The following BMPR1A variants were observed in gnomAD, a reference collection of about 807,000 sequenced individuals.
The protein encoded by BMPR1A is bone morphogenetic protein receptor type-1A.
Under a neutral mutation model 66.0 loss-of-function variants are expected in BMPR1A, and 7 were observed. That is an observed-to-expected ratio of 0.11 (90% confidence interval 0.06 to 0.20). BMPR1A has a LOEUF of 0.20. Ranked by LOEUF, BMPR1A falls within the 10% of genes least tolerant of loss-of-function variation. The pLI, the probability that BMPR1A is intolerant of heterozygous loss-of-function variation, is 1.00. For synonymous variants in BMPR1A, 200 were observed against 229.7 expected (o/e 0.87, Z 1.17); for missense variants, 408 against 669.1 (o/e 0.61, Z 4.31).
intron 1 of BMPR1A, among the ~76,000 whole-genome samples, chr10:86,763,913 C>T (rs1241141256): frequency 1.3e-5 from 2 of 151,650 alleles, no homozygotes; most frequent in Non-Finnish European, 2.9e-5. Flanking sequence ...GCCTCAGCCT[C>T]CTGAGTAGCT....
intron 2 of BMPR1A, among the ~76,000 whole-genome samples, chr10:86,865,405 C>T (rs185634336): frequency 1.1e-3 from 175 of 152,332 alleles, no homozygotes; most frequent in Non-Finnish European, 2.1e-3. Flanking sequence ...TTGCGACCCC[C>T]ACTCTGCCCG....
At chr10:86,830,713 C>T (rs191262398) in intron 1 of BMPR1A, among the ~76,000 whole-genome samples, 122 of 152,090 alleles carry the variant, frequency 8.0e-4, no homozygotes, top group Middle Eastern at 3.4e-3. Context: ...CTTTATATAT[C>T]CTAGATGAGG....
At chr10:86,767,739 A>C (rs1841190901) in intron 1 of BMPR1A, among the ~76,000 whole-genome samples, 1 of 148,264 alleles carries the variant, frequency 6.7e-6, no homozygotes, top group African/African-American at 2.6e-5. Context: ...TTCCTCCTGA[A>C]CTCCCTTGTC....
chr10:86,855,646 T>C, intron 2 of BMPR1A: 1 of 682,236 alleles, frequency 1.5e-6, no homozygotes, highest in Non-Finnish European at 2.7e-6. Flanking sequence ...ATGTGGCAGC[T>C]TTCTCCTGAG....
chr10:86,916,708 G>A lies in BMPR1A; in HGVS notation c.676-426G>A, dbSNP rs1309054150. Among the ~76,000 whole-genome samples, 5 of 152,142 alleles carry A rather than the reference G, an allele frequency of 3.3e-5. No homozygotes were observed. In the South Asian group the frequency reaches 1.0e-3, roughly 32 times the overall value. ...GTTTCATACTTTAAAGTACATTATG[G>A]CCGGGCATGGTGGCTCACGCCTGTA... On this transcript the variant is annotated intron_variant, in intron 8 of 12. Coordinates refer to ENST00000372037, the MANE Select transcript of BMPR1A (RefSeq NM_004329.3).
intron 1 of BMPR1A, among the ~76,000 whole-genome samples, chr10:86,792,297 C>T (rs1841639071): frequency 6.6e-6 from 1 of 151,940 alleles, no homozygotes; most frequent in Non-Finnish European, 1.5e-5. Context: ...GATCTCCTGA[C>T]ATTGTGGTCC....
At chr10:86,850,867 T>C (rs1310272089) in intron 2 of BMPR1A, among the ~76,000 whole-genome samples, 2 of 152,224 alleles carry the variant, frequency 1.3e-5, no homozygotes, top group Non-Finnish European at 2.9e-5. Context: ...AATATAAGCC[T>C]GTTTTTACAT....
chr10:86,813,680 A>G (rs1564692838), intron 1 of BMPR1A, among the ~76,000 whole-genome samples: 2 of 152,172 alleles, frequency 1.3e-5, no homozygotes, highest in Non-Finnish European at 2.9e-5. Flanking sequence ...TGTCTTCCAT[A>G]TATCACCAGG....
intron 1 of BMPR1A, among the ~76,000 whole-genome samples, chr10:86,775,928 C>G (rs117294375): frequency 6.6e-6 from 1 of 152,118 alleles, no homozygotes; most frequent in Non-Finnish European, 1.5e-5. Flanking sequence ...CCCTCCTTTT[C>G]GGCTGCTCAC....
chr10:86,886,969 A>G (rs937047768), intron 3 of BMPR1A, among the ~76,000 whole-genome samples: 20 of 151,132 alleles, frequency 1.3e-4, no homozygotes, highest in Non-Finnish European at 2.7e-4. Context: ...TACTGGGATT[A>G]CAGGCGCCTT....
chr10:86,877,776 A>G (rs1030714767), intron 3 of BMPR1A, among the ~76,000 whole-genome samples: 6 of 152,224 alleles, frequency 3.9e-5, no homozygotes, highest in African/African-American at 1.2e-4. Context: ...TCATAGTAAT[A>G]TTATATTTGC....
At chr10:86,810,180 C>T (rs1007561693) in intron 1 of BMPR1A, among the ~76,000 whole-genome samples, 1 of 152,012 alleles carries the variant, frequency 6.6e-6, no homozygotes, top group African/African-American at 2.4e-5. Flanking sequence ...AGGGTTTCAC[C>T]ATGTTGGCCA....
At chr10:86,759,219 C>T (rs1840986255) in intron 1 of BMPR1A, among the ~76,000 whole-genome samples, 1 of 152,202 alleles carries the variant, frequency 6.6e-6, no homozygotes. Context: ...TGACATTATA[C>T]TGACTTTGTT....
At chr10:86,790,596 A>G (rs558458323) in intron 1 of BMPR1A, among the ~76,000 whole-genome samples, 2 of 152,310 alleles carry the variant, frequency 1.3e-5, no homozygotes, top group East Asian at 3.9e-4. Flanking sequence ...AGGCAATGGA[A>G]TATTACTCAC....
chr10:86,864,487 C>T (rs1211686496), intron 2 of BMPR1A, among the ~76,000 whole-genome samples: 1 of 152,234 alleles, frequency 6.6e-6, no homozygotes, highest in East Asian at 1.9e-4. Flanking sequence ...CTAGTTGACT[C>T]TTCAGCTGCA....
intron 1 of BMPR1A, among the ~76,000 whole-genome samples, chr10:86,783,614 G>A (rs1589713961): frequency 6.6e-6 from 1 of 152,196 alleles, no homozygotes. Flanking sequence ...TTAGAAACGG[G>A]ATCTCGTTCT....
At chr10:86,828,932 C>T (rs183953365) in intron 1 of BMPR1A, among the ~76,000 whole-genome samples, 5 of 152,232 alleles carry the variant, frequency 3.3e-5, no homozygotes, top group African/African-American at 7.2e-5. Flanking sequence ...TGTTTTTATG[C>T]TTCATTGTTG....
At chr10:86,864,871 G>A (rs1842761575) in intron 2 of BMPR1A, among the ~76,000 whole-genome samples, 1 of 151,878 alleles carries the variant, frequency 6.6e-6, no homozygotes, top group African/African-American at 2.4e-5. Flanking sequence ...CTTACCACAA[G>A]ATCTCCCTTC....
intron 1 of BMPR1A, among the ~76,000 whole-genome samples, chr10:86,827,068 T>C (rs1842206000): frequency 6.6e-6 from 1 of 152,136 alleles, no homozygotes; most frequent in African/African-American, 2.4e-5. Context: ...GGTCCAAACT[T>C]CTATCTTGAG....
Sources: gnomAD v4.1 joint callset for allele counts (sites outside exome capture counted in the v4.1 genomes callset) on GRCh38, gnomAD v4.1.1 for gene constraint, MANE v1.5 for transcripts, NCBI Gene and HGNC (gene_info 2026-07-23, HGNC 2026-07-21) for gene names.